The following STX8 variants were observed in gnomAD, a reference collection of about 807,000 sequenced individuals.
STX8 encodes the protein syntaxin-8.
Under a neutral mutation model 37.5 loss-of-function variants are expected in STX8, and 23 were observed. The ratio of observed to expected loss-of-function variants is 0.61; its 90% confidence interval spans 0.44 to 0.87. The LOEUF (loss-of-function observed/expected upper bound fraction) is 0.87. Among genes scored for constraint, STX8 ranks in the 40% least tolerant of loss-of-function variants. STX8 has a pLI of 0.00. For synonymous variants in STX8, 115 were observed against 99.1 expected (o/e 1.16, Z -0.95); for missense variants, 313 against 284.7 (o/e 1.10, Z -0.71).
chr17:9,542,231 GC>G (rs1359762432), intron 4 of STX8, among the ~76,000 whole-genome samples: 2 of 152,038 alleles, frequency 1.3e-5, no homozygotes, highest in Non-Finnish European at 2.9e-5. Context: ...GGTAGTGCGT[GC>G]CTGTGATCCC....
chr17:9,465,166 A>G (rs1905556658), intron 6 of STX8, among the ~76,000 whole-genome samples: 1 of 152,066 alleles, frequency 6.6e-6, no homozygotes, highest in African/African-American at 2.4e-5. Flanking sequence ...CTTCCTCAGT[A>G]ATAGGCAGAG....
At chr17:9,260,856 G>A (rs563389041) in intron 7 of STX8, among the ~76,000 whole-genome samples, 1 of 152,314 alleles carries the variant, frequency 6.6e-6, no homozygotes, top group South Asian at 2.1e-4. Context: ...GCCCAGCACC[G>A]GGCTGATGAG....
chr17:9,434,294 C>T (rs569974475), intron 6 of STX8, among the ~76,000 whole-genome samples: 44 of 152,326 alleles, frequency 2.9e-4, no homozygotes, highest in African/African-American at 1.0e-3. Flanking sequence ...TGAGCCACTG[C>T]GCCCAGCCAG....
At chr17:9,462,488 G>A (rs907440464) in intron 6 of STX8, among the ~76,000 whole-genome samples, 4 of 152,148 alleles carry the variant, frequency 2.6e-5, no homozygotes, top group African/African-American at 4.8e-5. Context: ...TTGGGAGGCC[G>A]AGGTGGGAGG....
intron 6 of STX8, among the ~76,000 whole-genome samples, chr17:9,457,134 C>T (rs183466827): frequency 6.6e-6 from 1 of 152,316 alleles, no homozygotes; most frequent in Admixed American, 6.5e-5. Context: ...ATCATTCTTT[C>T]CATCTCGTTA....
chr17:9,293,966 C>T (rs1908418893), intron 7 of STX8, among the ~76,000 whole-genome samples: 1 of 152,018 alleles, frequency 6.6e-6, no homozygotes, highest in Non-Finnish European at 1.5e-5. Context: ...GGGGTTTCAC[C>T]GTGTTAGCCA....
At chr17:9,545,370 G>T in intron 3 of STX8, 88 bp from the exon 4 acceptor site, 1 of 966,376 alleles carries the variant, frequency 1.0e-6, no homozygotes, top group Non-Finnish European at 1.6e-6. Context: ...AGTCAGTTGT[G>T]GCTTTTACAG....
intron 6 of STX8, among the ~76,000 whole-genome samples, chr17:9,480,946 A>G (rs9303240): frequency 0.64 from 96,870 of 151,608 alleles, 31,402 homozygotes; most frequent in African/African-American, 0.67. Flanking sequence ...GGGTAGTGGC[A>G]TGATCTCAGC....
At chr17:9,517,091 T>A (rs1375419520) in intron 4 of STX8, among the ~76,000 whole-genome samples, 1 of 152,180 alleles carries the variant, frequency 6.6e-6, no homozygotes, top group Non-Finnish European at 1.5e-5. Context: ...TCCTCTCAAA[T>A]GTTGTCTCCT....
chr17:9,351,393 G>A (rs1357020394), intron 7 of STX8, among the ~76,000 whole-genome samples: 2 of 151,870 alleles, frequency 1.3e-5, no homozygotes, highest in South Asian at 2.1e-4. Flanking sequence ...TCCTGACCTC[G>A]TGATCTGCCC....
intron 6 of STX8, among the ~76,000 whole-genome samples, chr17:9,429,283 A>T (rs1270036673): frequency 6.8e-6 from 1 of 146,516 alleles, no homozygotes; most frequent in Non-Finnish European, 1.5e-5. Context: ...TTTATATATT[A>T]TATATAAAAT....
chr17:9,496,734 A>C (rs1904419862), intron 5 of STX8, among the ~76,000 whole-genome samples: 2 of 152,202 alleles, frequency 1.3e-5, no homozygotes, highest in South Asian at 4.1e-4. Flanking sequence ...ATGAGTCCTG[A>C]AAAGCAGAGA....
chr17:9,545,111 TGTA>T, intron 4 of STX8, 58 bp downstream of exon 4: 1 of 1,038,830 alleles, frequency 9.6e-7, no homozygotes, highest in Non-Finnish European at 1.5e-6. Context: ...AGGAAACAGC[TGTA>T]GTATCTGCAA....
chr17:9,360,059 T>TA (rs1911011983), intron 7 of STX8, among the ~76,000 whole-genome samples: 4 of 151,982 alleles, frequency 2.6e-5, no homozygotes, highest in Non-Finnish European at 1.5e-5. Flanking sequence ...GAGCCTGACA[T>TA]ACGGAACAGG....
At position 9,315,420 on chromosome 17, in the gene STX8, C is replaced by T. The variant is rs142011130; in HGVS notation, c.643+63132G>A. Among the ~76,000 whole-genome samples, 807 of 152,250 alleles carry T rather than the reference C, an allele frequency of 5.3e-3. 6 individuals carry two copies. Among genetic ancestry groups the T allele is most frequent in the African/African-American group, 0.018 (757 of 41,544 alleles). ...TTCTGGCCAGTTTACAGAGGCTGCA[C>T]GCAGCATGCTTCTGAGTCTTCCATC... On this transcript the variant is annotated intron_variant, in intron 7 of 7. Coordinates refer to ENST00000306357, the MANE Select transcript of STX8 (RefSeq NM_004853.3).
chr17:9,307,361 AC>A (rs1909036267), intron 7 of STX8, among the ~76,000 whole-genome samples: 1 of 151,900 alleles, frequency 6.6e-6, no homozygotes, highest in Admixed American at 6.6e-5. Context: ...GGGAGGGCTG[AC>A]CCCCACATGG....
intron 5 of STX8, among the ~76,000 whole-genome samples, chr17:9,504,337 TAAAAAA>T (rs771865356): frequency 4.9e-5 from 7 of 142,058 alleles, no homozygotes; most frequent in Non-Finnish European, 9.3e-5. Flanking sequence ...TAAGAAAGTT[TAAAAAA>T]AAAAAGTTAA....
chr17:9,279,088 G>A lies in STX8; in HGVS notation c.644-28443C>T, dbSNP rs544404301. ...TTTTTGTTTTTTTTTTTTGAGATGGGGTTTCACTCTTGTTGCCCAGGCTGG... is the reference window on the plus strand; with the variant it reads ...TTTTTGTTTTTTTTTTTTGAGATGGAGTTTCACTCTTGTTGCCCAGGCTGG... On this transcript the variant is annotated intron_variant, in intron 7 of 7. Transcript: ENST00000306357. Among the ~76,000 whole-genome samples, 14 of 151,086 alleles carry A rather than the reference G, an allele frequency of 9.3e-5. No homozygotes were observed. The East Asian group carries it at 2.5e-3, about 27-fold the overall frequency.
intron 6 of STX8, among the ~76,000 whole-genome samples, chr17:9,436,299 C>T (rs967734045): frequency 5.3e-5 from 8 of 150,186 alleles, no homozygotes; most frequent in Non-Finnish European, 1.2e-4. Flanking sequence ...GAGTTGAGAT[C>T]GTGCCACTGC....
Sources: allele counts gnomAD v4.1 joint callset (sites outside exome capture counted in the v4.1 genomes callset), GRCh38; gene constraint gnomAD v4.1.1; transcripts MANE v1.5; gene names NCBI Gene and HGNC (gene_info 2026-07-23, HGNC 2026-07-21).